The following FAR2 variants were observed in gnomAD, a reference collection of about 807,000 sequenced individuals.
FAR2 encodes the protein epididymis secretory protein Li 81.
FAR2 carries 19 observed loss-of-function variants against 56.0 expected under a neutral mutation model. That is an observed-to-expected ratio of 0.34 (90% confidence interval 0.24 to 0.50). FAR2 has a LOEUF of 0.50. Ranked by LOEUF, FAR2 falls within the 20% of genes least tolerant of loss-of-function variation. The pLI is 0.98. For synonymous variants in FAR2, 219 were observed against 218.8 expected, an observed-to-expected ratio of 1.00 and a Z score of -0.01; for missense variants, 508 against 642.2, an observed-to-expected ratio of 0.79 and a Z score of 2.26.
intron 1 of FAR2, among the ~76,000 whole-genome samples, chr12:29,251,580 A>C (rs1948211692): frequency 6.6e-6 from 1 of 152,180 alleles, no homozygotes. Context: ...TCTTTTCTCT[A>C]GTTCCAGAAT....
intron 1 of FAR2, among the ~76,000 whole-genome samples, chr12:29,219,859 T>C (rs955260667): frequency 6.6e-6 from 1 of 152,170 alleles, no homozygotes; most frequent in African/African-American, 2.4e-5. Context: ...ACTTTTCTTT[T>C]CCTTTTTGAG....
At chr12:29,220,571 C>A (rs1032944403) in intron 1 of FAR2, among the ~76,000 whole-genome samples, 3 of 152,068 alleles carry the variant, frequency 2.0e-5, no homozygotes, top group Non-Finnish European at 4.4e-5. Flanking sequence ...AAGTAACTGA[C>A]AAAAAATTGT....
intron 6 of FAR2, among the ~76,000 whole-genome samples, chr12:29,309,433 G>A (rs11050178): frequency 0.058 from 8,847 of 152,120 alleles, 815 homozygotes; most frequent in African/African-American, 0.2. Context: ...GAAAAACAGA[G>A]GTAATGTGCT....
intron 2 of FAR2, among the ~76,000 whole-genome samples, chr12:29,292,617 C>T (rs1321963944): frequency 1.3e-5 from 2 of 152,078 alleles, no homozygotes; most frequent in Non-Finnish European, 2.9e-5. Flanking sequence ...AAAAGTTGAT[C>T]TCAAGTAGTC....
chr12:29,307,880 GTTC>G (rs1419076082), intron 5 of FAR2, 45 bp downstream of exon 5: 1 of 1,560,960 alleles, frequency 6.4e-7, no homozygotes, highest in East Asian at 2.3e-5. Context: ...CCAAACTAAG[GTTC>G]TTCTAGTCCA....
intron 1 of FAR2, among the ~76,000 whole-genome samples, chr12:29,166,357 G>A (rs748101331): frequency 6.6e-6 from 1 of 152,144 alleles, no homozygotes; most frequent in Non-Finnish European, 1.5e-5. Flanking sequence ...GACTTATTAT[G>A]TCCATTATTT....
chr12:29,253,220 GATATCTATCTAGATAGATATCT>G (rs1565489287), intron 1 of FAR2, among the ~76,000 whole-genome samples: 1,286 of 50,292 alleles, frequency 0.026, 132 homozygotes, highest in African/African-American at 0.082. Context: ...TCTATATATC[GATATCTATCTAGATAGATATCT>G]ATATATCGAT....
intron 2 of FAR2, among the ~76,000 whole-genome samples, chr12:29,273,396 G>A (rs1352085880): frequency 2.0e-5 from 3 of 152,160 alleles, no homozygotes; most frequent in Non-Finnish European, 4.4e-5. Flanking sequence ...GATGGGTGGG[G>A]GTTAGGCCTG....
intron 1 of FAR2, among the ~76,000 whole-genome samples, chr12:29,173,550 T>G (rs1300343684): frequency 2.0e-5 from 3 of 152,158 alleles, no homozygotes; most frequent in Non-Finnish European, 4.4e-5. Context: ...TATACTTCCC[T>G]CAGGTGACCA....
chr12:29,222,435 A>G (rs1168172489), intron 1 of FAR2, among the ~76,000 whole-genome samples: 3 of 152,166 alleles, frequency 2.0e-5, no homozygotes, highest in African/African-American at 7.2e-5. Flanking sequence ...AACTCCAAAT[A>G]CAAATAGGGA....
intron 1 of FAR2, among the ~76,000 whole-genome samples, chr12:29,163,488 A>C (rs1192634159): frequency 6.6e-6 from 1 of 152,238 alleles, no homozygotes; most frequent in Non-Finnish European, 1.5e-5. Flanking sequence ...CCAGGAGTTC[A>C]GACTATTGTC....
At chr12:29,300,788 T>G (rs919509783) in intron 4 of FAR2, among the ~76,000 whole-genome samples, 1 of 152,198 alleles carries the variant, frequency 6.6e-6, no homozygotes, top group Non-Finnish European at 1.5e-5. Flanking sequence ...TGGCATTATA[T>G]TCTCAAGAAA....
At chr12:29,174,930 C>T (rs576749240) in intron 1 of FAR2, among the ~76,000 whole-genome samples, 29 of 152,296 alleles carry the variant, frequency 1.9e-4, no homozygotes, top group African/African-American at 6.3e-4. Context: ...GCTTTCCTCT[C>T]TGGTGACCCT....
chr12:29,307,560 G>T, intron 4 of FAR2, 98 bp from the exon 5 acceptor site: 1 of 1,232,428 alleles, frequency 8.1e-7, no homozygotes. Context: ...CAGAACCGAG[G>T]CTAAAAGGTG....
intron 1 of FAR2, among the ~76,000 whole-genome samples, chr12:29,193,076 T>A (rs1950115507): frequency 6.6e-6 from 1 of 152,046 alleles, no homozygotes; most frequent in Non-Finnish European, 1.5e-5. Flanking sequence ...ATACCATTTT[T>A]TTAAAGCTTT....
intron 1 of FAR2, among the ~76,000 whole-genome samples, chr12:29,177,531 T>A (rs1046156205): frequency 9.9e-5 from 15 of 152,206 alleles, no homozygotes; most frequent in African/African-American, 3.1e-4. Context: ...TGTGGCTAAC[T>A]AACAAGGGCT....
chr12:29,253,408 CAGAT>C (rs140676085), intron 1 of FAR2, among the ~76,000 whole-genome samples: 139 of 144,100 alleles, frequency 9.6e-4, no homozygotes, highest in Middle Eastern at 3.8e-3. Context: ...GATAGATGGA[CAGAT>C]AGATAGATAG....
chr12:29,181,911 G>T (rs1011066129), intron 1 of FAR2, among the ~76,000 whole-genome samples: 1 of 152,208 alleles, frequency 6.6e-6, no homozygotes, highest in Non-Finnish European at 1.5e-5. Flanking sequence ...ATAAATGGAG[G>T]TTAAAGATGA....
At chr12:29,269,851 A>C (rs1948584417) in intron 1 of FAR2, among the ~76,000 whole-genome samples, 1 of 152,204 alleles carries the variant, frequency 6.6e-6, no homozygotes, top group Non-Finnish European at 1.5e-5. Context: ...AGCTGTTCTA[A>C]GCTTTGGTTT....
Sources: gnomAD v4.1 joint callset for allele counts (sites outside exome capture counted in the v4.1 genomes callset) on GRCh38, gnomAD v4.1.1 for gene constraint, MANE v1.5 for transcripts, NCBI Gene and HGNC (gene_info 2026-07-23, HGNC 2026-07-21) for gene names.